Variants in ALOX12 observed in about 807,000 individuals in gnomAD.
The protein encoded by ALOX12 is polyunsaturated fatty acid lipoxygenase ALOX12.
ALOX12 carries 62 observed loss-of-function variants against 85.5 expected under a neutral mutation model. The ratio of observed to expected loss-of-function variants is 0.73; its 90% CI spans 0.59 to 0.90. The LOEUF is 0.90. Ranked by LOEUF, ALOX12 falls within the 40% of genes least tolerant of loss-of-function variation. The pLI, the probability that ALOX12 is intolerant of heterozygous loss-of-function variation, is 0.00. For synonymous variants in ALOX12, 299 were observed against 332.7 expected, an observed-to-expected ratio of 0.90 and a Z score of 1.10; for missense variants, 751 against 856.5, an observed-to-expected ratio of 0.88 and a Z score of 1.54.
In ALOX12 at chr17:7,002,193, A is replaced by G. The variant is rs1317602447; in HGVS notation, c.1161+382A>G. ...TTGAAATCACAAGGGACAGCCTATA[A>G]CAGTATAGTATTGATGAAGAATGTT... On this transcript the variant is annotated intron_variant, in intron 8 of 13. Transcript: ENST00000251535. 1.5e-5 allele frequency: 5 copies of G among 337,630 alleles called. No homozygotes were observed. The East Asian group carries it at 4.1e-4, about 27-fold the overall frequency. 20.9% of individuals were successfully genotyped at this position (337,630 alleles called of 1,614,324 possible). A position where few individuals can be genotyped will look rare whatever the true frequency, so the allele number is the denominator to read the frequency against.
Position 7,009,997 on chromosome 17 carries a change from G to A in ALOX12, c.1683G>A (p.Met561Ile). ...YAWVPNAPCT[M>I]RMPPPTTKED... is the part of the protein sequence containing the mutation. ...GGGTCCCTAATGCTCCATGCACAAT[G>A]CGGATGCCCCCACCCACCACCAAGG... The change falls in exon 13 of 14, where the codon ATG (methionine) becomes ATA (isoleucine). Residue 561 changes from methionine (M) to isoleucine (I), a missense_variant. Coordinates refer to ENST00000251535, the MANE Select transcript of ALOX12 (RefSeq NM_000697.3). The A allele has an allele frequency of 6.2e-7, 1 of 1,614,144 alleles. No homozygotes were observed. The highest frequency in any genetic ancestry group is 1.1e-5 in the South Asian group (1 of 91,070).
chr17:7,010,554 T>A lies in ALOX12; in HGVS notation c.*131T>A. 8.8e-7 allele frequency: 1 copy of A among 1,138,908 alleles called. No individual in the cohort carries two copies. Among genetic ancestry groups the A allele is most frequent in the Non-Finnish European group, 1.2e-6 (1 of 827,184 alleles). The allele number at this position is 1,138,908 out of a possible 1,614,324, so 70.6% of individuals were successfully genotyped here. ...CCTCCCCCAGTTAAACCCCCTACAT[T>A]AGTATCCCACTAGCCCAGGGGAGCA... On this transcript the variant is annotated 3_prime_UTR_variant, in exon 14 of 14. Transcript: ENST00000251535.
chr17:7,004,125 T>TAAATAATTAAAA (rs1908872268), intron 8 of ALOX12, among the ~76,000 whole-genome samples: 2 of 134,882 alleles, frequency 1.5e-5, no homozygotes, highest in African/African-American at 2.6e-5. Context: ...TTAATTTTAA[T>TAAATAATTAAAA]TTTAAATAAA....
intron 11 of ALOX12, among the ~76,000 whole-genome samples, chr17:7,008,679 G>A (rs577531994): frequency 6.6e-6 from 1 of 151,948 alleles, no homozygotes; most frequent in Admixed American, 6.6e-5. Flanking sequence ...CTGAGAGGCG[G>A]AGGTTACAGT....
At chr17:6,998,452 G>C (rs2151639032) in intron 2 of ALOX12, 57 bp from the exon 3 acceptor site, 1 of 1,144,208 alleles carries the variant, frequency 8.7e-7, no homozygotes, top group South Asian at 1.3e-5. Flanking sequence ...ATGAGGACAA[G>C]AGGCGGGCAT....
At chr17:7,001,229 G>C (rs312473) in intron 7 of ALOX12, 76,512 of 211,682 alleles carry the variant, frequency 0.36, 15,191 homozygotes, top group South Asian at 0.47. Flanking sequence ...GGGATTACAG[G>C]TGTGAGCCAC....
intron 11 of ALOX12, among the ~76,000 whole-genome samples, chr17:7,008,810 G>A (rs1909225191): frequency 6.6e-6 from 1 of 152,098 alleles, no homozygotes; most frequent in South Asian, 2.1e-4. Context: ...AGTGGACTGA[G>A]ATAACCTTTG....
intron 1 of ALOX12, 69 bp from the exon 2 acceptor site, chr17:6,996,757 G>C: frequency 6.6e-7 from 1 of 1,518,484 alleles, no homozygotes; most frequent in South Asian, 1.2e-5. Context: ...ACAGGAGCGC[G>C]GCTCTGTCCT....
At chr17:7,009,705 T>C (rs557788246) in intron 11 of ALOX12, 42 bp from the exon 12 acceptor site, 13 of 1,533,272 alleles carry the variant, frequency 8.5e-6, no homozygotes, top group South Asian at 3.4e-5. Flanking sequence ...GTTCCTCTCC[T>C]CTTATGCTGT....
rs1274206889 is a variant in ALOX12, at chr17:6,999,444, C to A, written c.785C>A (p.Ala262Asp). ...CCCTCGGGGATGGAAGAGCTTCAGG[C>A]TCAACTGGAGAAAGAACTTCAGGTA... is the stretch of plus-strand genomic sequence containing the variant. ...VLPSGMEELQAQLEKELQNGS... is the reference protein window; with the variant it reads ...VLPSGMEELQDQLEKELQNGS... Residue 262 changes from alanine (A) to aspartate (D), a missense_variant, in exon 6 of 14, where the codon GCT (alanine) becomes GAT (aspartate). Physicochemically the swap from Ala to Asp is moderately radical, Grantham distance 126 (BLOSUM62 -2). Coordinates refer to ENST00000251535, the MANE Select transcript of ALOX12 (RefSeq NM_000697.3). The A allele has an allele frequency of 6.2e-7, 1 of 1,614,134 alleles. No individual in the cohort carries two copies. The highest frequency in any genetic ancestry group is 8.5e-7 in the Non-Finnish European group (1 of 1,179,988).
intron 7 of ALOX12, 161 bp from the exon 8 acceptor site, chr17:7,001,441 C>G (rs1908705593): frequency 4.1e-6 from 3 of 727,548 alleles, no homozygotes; most frequent in Non-Finnish European, 6.9e-6. Flanking sequence ...CATCAGGGCA[C>G]TCCAGCTAGC....
rs1350326564 is a variant in ALOX12 at position 7,000,552 on chromosome 17, C to T, written c.951+73C>T. On this transcript the variant is annotated intron_variant, in intron 7 of 13. Transcript: ENST00000251535. The surrounding 1 kb of genome is among the most constrained non-coding windows in gnomAD (Gnocchi z 4.6). The stretch of plus-strand genomic sequence containing the variant: ...ACCTCTGCTCCCAGGGACCCAACCC[C>T]CAGCTCTTGGCTCCCAAACCCCATC... 3 of 1,558,816 alleles carry T rather than the reference C, an allele frequency of 1.9e-6. No homozygotes were observed. Among genetic ancestry groups the T allele is most frequent in the African/African-American group, 1.4e-5 (1 of 73,576 alleles).
At chr17:6,996,357 C>A in intron 1 of ALOX12, 105 bp downstream of exon 1, 1 of 1,174,430 alleles carries the variant, frequency 8.5e-7, no homozygotes, top group Non-Finnish European at 1.1e-6. Context: ...GGCGAGGTGA[C>A]AGCGCGACCT....
chr17:7,000,885 A>C lies in ALOX12; in HGVS notation c.951+406A>C, dbSNP rs1908673927. Among the ~76,000 whole-genome samples, 1 of 151,108 alleles carries C rather than the reference A, an allele frequency of 6.6e-6. No individual in the cohort carries two copies. The highest frequency in any genetic ancestry group is 1.5e-5 in the Non-Finnish European group (1 of 67,804). On this transcript the variant is annotated intron_variant, in intron 7 of 13. Transcript: ENST00000251535. The surrounding 1 kb of genome is among the most constrained non-coding windows in gnomAD (Gnocchi z 4.6). ...TCAGGACTACACTTTCAGAATCACT[A>C]TCTCATCTCTCAGTGGCCTCTGGCT... is the stretch of plus-strand genomic sequence containing the variant.
intron 2 of ALOX12, 91 bp from the exon 3 acceptor site, chr17:6,998,418 T>C (rs1908550549): frequency 3.6e-6 from 3 of 836,150 alleles, no homozygotes; most frequent in African/African-American, 1.7e-5. Flanking sequence ...GCTGAAAACA[T>C]GGAATACGGC....
Position 6,996,867 on chromosome 17 carries a change from C to T in ALOX12, c.177C>T (p.Leu59=), listed in dbSNP as rs1908465902. 1 of 1,614,018 alleles carries T rather than the reference C, an allele frequency of 6.2e-7. No homozygotes were observed. The highest frequency in any genetic ancestry group is 8.5e-7 in the Non-Finnish European group (1 of 1,179,886). Residue 59 remains leucine, a synonymous_variant, in exon 2 of 14, where the codon CTC becomes CTT. Coordinates refer to ENST00000251535, the MANE Select transcript of ALOX12 (RefSeq NM_000697.3). The part of the protein sequence containing the change: ...FDHDVAEDLG[L]LQFVRLRKHH... Reference sequence around the variant, plus strand: ...ATGACGTTGCAGAGGACTTGGGGCTCCTGCAGTTCGTGAGGCTGCGCAAGC... The same window carrying T: ...ATGACGTTGCAGAGGACTTGGGGCTTCTGCAGTTCGTGAGGCTGCGCAAGC...
At position 7,001,583 on chromosome 17, in the gene ALOX12, T is replaced by TG. The variant is rs765160143; in HGVS notation, c.952-19_952-18insG. The TG allele has an allele frequency of 6.3e-7, 1 of 1,595,410 alleles. No homozygotes were observed. The highest frequency in any genetic ancestry group is 8.6e-7 in the Non-Finnish European group (1 of 1,163,210). On this transcript the variant is annotated intron_variant, in intron 7 of 13. Transcript: ENST00000251535. ...TGTCATATACGGAATGGGAGTTCAATAATTTCTCTTTCTCCCAGATTCAGC... is the reference window on the plus strand; with the variant it reads ...TGTCATATACGGAATGGGAGTTCAATGAATTTCTCTTTCTCCCAGATTCAGC...
rs1193485030 is a variant in ALOX12, at chr17:7,005,752, C to A, written c.1249-106C>A. The A allele has an allele frequency of 3.9e-6, 5 of 1,280,230 alleles. No homozygotes were observed. In the South Asian group the frequency reaches 4.1e-5, roughly 10 times the overall value. 79.3% of individuals were successfully genotyped at this position (1,280,230 alleles called of 1,614,324 possible). A position where few individuals can be genotyped will look rare whatever the true frequency, so the allele number is the denominator to read the frequency against. On this transcript the variant is annotated intron_variant, in intron 9 of 13. Coordinates refer to ENST00000251535, the MANE Select transcript of ALOX12 (RefSeq NM_000697.3). The stretch of plus-strand genomic sequence containing the variant: ...CCTCAGCCTCCCAAAGTGCTGTATA[C>A]CCATGTCTTAATATCTGAAAATCCC...
chr17:6,997,555 ATT>A (rs56091558), intron 2 of ALOX12, among the ~76,000 whole-genome samples: 26,948 of 104,612 alleles, frequency 0.26, 3,282 homozygotes, highest in African/African-American at 0.36. Context: ...CAAATAGTGA[ATT>A]TTTTTTTTTT....
Sources: gnomAD v4.1 joint callset for allele counts (sites outside exome capture counted in the v4.1 genomes callset) on GRCh38, gnomAD v4.1.1 for gene constraint, Gnocchi (gnomAD v3.1) non-coding constraint, MANE v1.5 for transcripts, NCBI Gene and HGNC (gene_info 2026-07-23, HGNC 2026-07-21) for gene names.